CIMIP1: variants seen among roughly 807,000 people sequenced by gnomAD.
CIMIP1 encodes low in lung cancer 1.
At chr20:58,158,865 G>A in the CIMIP1 span, among the ~76,000 whole-genome samples, 1 of 152,084 alleles carries the variant, frequency 6.6e-6, no homozygotes, top group Non-Finnish European at 1.5e-5. Context: ...GACATCCATG[G>A]GCCTCTGGCC....
chr20:58,153,596 T>C, the CIMIP1 span: 35 of 1,614,076 alleles, frequency 2.2e-5, no homozygotes, highest in East Asian at 7.4e-4. Context: ...GCCCCAGAAC[T>C]GGGGGTTTTT....
the CIMIP1 span, among the ~76,000 whole-genome samples, chr20:58,159,989 GTTC>G: frequency 6.6e-6 from 1 of 152,162 alleles, no homozygotes; most frequent in Non-Finnish European, 1.5e-5. Flanking sequence ...CTTTATCTCA[GTTC>G]TTCTGCTAGA....
At chr20:58,153,552 G>A in the CIMIP1 span, 2,382 of 1,613,986 alleles carry the variant, frequency 1.5e-3, 26 homozygotes, top group African/African-American at 0.022. Flanking sequence ...AGGAAATACC[G>A]TCTGAAGGCT....
chr20:58,157,232 G>A, the CIMIP1 span, among the ~76,000 whole-genome samples: 1 of 152,078 alleles, frequency 6.6e-6, no homozygotes, highest in South Asian at 2.1e-4. Context: ...CGCTCACCGT[G>A]GTGACTGCTT....
chr20:58,157,386 T>A, the CIMIP1 span, among the ~76,000 whole-genome samples: 16 of 152,248 alleles, frequency 1.1e-4, no homozygotes, highest in African/African-American at 3.9e-4. Context: ...TCCAGAGCCC[T>A]GCTTTTAAAT....
At chr20:58,156,940 G>A in the CIMIP1 span, among the ~76,000 whole-genome samples, 1 of 152,206 alleles carries the variant, frequency 6.6e-6, no homozygotes, top group Non-Finnish European at 1.5e-5. Context: ...CTGGCACATA[G>A]TGAGCATTTG....
the CIMIP1 span, among the ~76,000 whole-genome samples, chr20:58,157,204 CTAT>C: frequency 1.3e-5 from 2 of 152,202 alleles, no homozygotes; most frequent in African/African-American, 4.8e-5. Flanking sequence ...CCAGCTCAAG[CTAT>C]TATTATCTCT....
the CIMIP1 span, among the ~76,000 whole-genome samples, chr20:58,157,876 G>A: frequency 1.3e-5 from 2 of 152,332 alleles, no homozygotes; most frequent in East Asian, 1.9e-4. Flanking sequence ...TGGGATGTAG[G>A]TGGGACATTT....
chr20:58,158,330 C>G, the CIMIP1 span, among the ~76,000 whole-genome samples: 1 of 152,206 alleles, frequency 6.6e-6, no homozygotes, highest in African/African-American at 2.4e-5. Context: ...GCCTCTGCTT[C>G]CCTCCAAACT....
chr20:58,159,407 T>TC, the CIMIP1 span, among the ~76,000 whole-genome samples: 1 of 151,674 alleles, frequency 6.6e-6, no homozygotes, highest in Non-Finnish European at 1.5e-5. Flanking sequence ...TCCCAGCCAC[T>TC]CAGGAGCTGA....
chr20:58,157,558 T>C, the CIMIP1 span, among the ~76,000 whole-genome samples: 1 of 152,252 alleles, frequency 6.6e-6, no homozygotes, highest in Non-Finnish European at 1.5e-5. Flanking sequence ...CATCTTTCCA[T>C]GCAGTTTAAA....
At chr20:58,155,499 CA>C in the CIMIP1 span, 1 of 1,614,166 alleles carries the variant, frequency 6.2e-7, no homozygotes, top group Non-Finnish European at 8.5e-7. Context: ...CTCCCCACCC[CA>C]AAGCCCAAAA....
chr20:58,160,697 G>T, the CIMIP1 span: 1 of 1,614,030 alleles, frequency 6.2e-7, no homozygotes, highest in East Asian at 2.2e-5. Flanking sequence ...GACCACCCAG[G>T]GCTTCATCGG....
the CIMIP1 span, among the ~76,000 whole-genome samples, chr20:58,157,181 A>T: frequency 6.6e-5 from 10 of 152,172 alleles, no homozygotes; most frequent in Non-Finnish European, 1.3e-4. Flanking sequence ...GACCTGTAAG[A>T]GTAACCACCC....
the CIMIP1 span, among the ~76,000 whole-genome samples, chr20:58,159,183 C>CTTCT: frequency 1.9e-5 from 2 of 104,080 alleles, no homozygotes; most frequent in African/African-American, 7.6e-5. Flanking sequence ...GCACTTTCTT[C>CTTCT]TTTTTTTTTT....
the CIMIP1 span, chr20:58,155,362 A>C: frequency 4.8e-6 from 4 of 834,094 alleles, no homozygotes; most frequent in Non-Finnish European, 5.8e-6. Context: ...AATGGGGAGG[A>C]CACTCCCCCA....
the CIMIP1 span, among the ~76,000 whole-genome samples, chr20:58,154,945 A>G: frequency 6.6e-6 from 1 of 152,206 alleles, no homozygotes; most frequent in Non-Finnish European, 1.5e-5. Flanking sequence ...AGCTGGGACC[A>G]CAGGCACATG....
chr20:58,156,002 T>C, the CIMIP1 span, among the ~76,000 whole-genome samples: 2 of 152,162 alleles, frequency 1.3e-5, no homozygotes, highest in African/African-American at 2.4e-5. Context: ...TCTTATACAA[T>C]GGGGGTTAAT....
chr20:58,153,971 G>A, the CIMIP1 span, among the ~76,000 whole-genome samples: 1 of 152,214 alleles, frequency 6.6e-6, no homozygotes, highest in African/African-American at 2.4e-5. Context: ...AAGCAGGTGG[G>A]TCTGATGCCA....
Sources: allele counts gnomAD v4.1 joint callset (sites outside exome capture counted in the v4.1 genomes callset), GRCh38; gene constraint gnomAD v4.1.1; transcripts MANE v1.5; gene names NCBI Gene and HGNC (gene_info 2026-07-23, HGNC 2026-07-21).